The following TG variants were observed in gnomAD, a reference collection of about 807,000 sequenced individuals.
The protein encoded by TG is thyroid hormones.
In TG, 270 loss-of-function variants were observed where a neutral mutation model predicts 324.7. That is an observed-to-expected ratio of 0.83 (90% confidence interval 0.75 to 0.92). The LOEUF (loss-of-function observed/expected upper bound fraction) is 0.92, where lower values mean the gene tolerates loss of function less well. Ranked by LOEUF, TG falls within the 40% of genes least tolerant of loss-of-function variation. The pLI is 0.00. For missense variants in TG, 3,591 were observed against 3,456.4 expected (o/e 1.04, Z -0.98); for synonymous variants, 1,401 against 1,327.0 (o/e 1.06, Z -1.21).
chr8:132,948,530 T>C (rs989213174), intron 26 of TG, among the ~76,000 whole-genome samples: 1 of 152,134 alleles, frequency 6.6e-6, no homozygotes, highest in African/African-American at 2.4e-5. Flanking sequence ...AAAGCTCTCA[T>C]AGGGAGGGAA....
chr8:133,067,916 AAAGAG>A (rs1564145874), intron 41 of TG, among the ~76,000 whole-genome samples: 8 of 91,932 alleles, frequency 8.7e-5, no homozygotes, highest in South Asian at 5.8e-4. Flanking sequence ...GGAAGGAAGG[AAAGAG>A]AGAGAGAGAG....
intron 13 of TG, 131 bp downstream of exon 13, chr8:132,898,377 C>A: frequency 1.1e-6 from 1 of 902,646 alleles, no homozygotes; most frequent in Non-Finnish European, 1.8e-6. Context: ...TGCAGCCAGA[C>A]GCATTTCCCA....
rs1349559250 is a variant in TG at position 132,869,762 on chromosome 8, CT to C, written c.211del (p.Trp71GlyfsTer35). 1 of 1,614,172 alleles carries C rather than the reference CT, an allele frequency of 6.2e-7. No individual in the cohort carries two copies. The highest frequency in any genetic ancestry group is 8.5e-7 in the Non-Finnish European group (1 of 1,180,030). On this transcript the variant is annotated frameshift_variant, in exon 3 of 48. Coordinates refer to ENST00000220616, the MANE Select transcript of TG (RefSeq NM_003235.5). LOFTEE classifies it high-confidence loss of function. ...VQCQNDGRSC[W>X]CVGANGSEVL... is the part of the protein sequence containing the mutation. ...AGTGCCAGAACGACGGCCGCTCCTG[CT>C]GGTGTGTGGGTGCCAACGGCAGTGA...
intron 41 of TG, among the ~76,000 whole-genome samples, chr8:133,086,054 C>T (rs888591738): frequency 7.2e-5 from 11 of 152,202 alleles, no homozygotes; most frequent in African/African-American, 2.7e-4. Flanking sequence ...AAGATATACA[C>T]TACTAATACC....
intron 10 of TG, 132 bp downstream of exon 10, chr8:132,888,700 G>A: frequency 9.8e-7 from 1 of 1,018,688 alleles, no homozygotes. Flanking sequence ...TTTAGAGATG[G>A]CTGAGAAAAC....
At chr8:132,933,487 AGG>A in intron 23 of TG, 72 bp from the exon 24 acceptor site, 1 of 1,162,270 alleles carries the variant, frequency 8.6e-7, no homozygotes, top group Non-Finnish European at 1.3e-6. Flanking sequence ...GGGCAGGGGC[AGG>A]GGGATGTGTC....
At chr8:133,120,421 T>C (rs1260370773) in intron 45 of TG, among the ~76,000 whole-genome samples, 1 of 152,122 alleles carries the variant, frequency 6.6e-6, no homozygotes, top group Non-Finnish European at 1.5e-5. Flanking sequence ...CCACCAAAAC[T>C]GGGCAGCTTA....
chr8:132,937,668 G>C (rs1469300376), intron 25 of TG, among the ~76,000 whole-genome samples: 1 of 151,994 alleles, frequency 6.6e-6, no homozygotes, highest in Non-Finnish European at 1.5e-5. Context: ...AATCAAAATA[G>C]AACAGTAACC....
chr8:132,960,376 AG>A lies in TG; in HGVS notation c.5402-629del, dbSNP rs549373096. On this transcript the variant is annotated intron_variant, in intron 27 of 47. Transcript: ENST00000220616. ...CTATTTCCCTCACCTTCCATGTCAC[AG>A]GGAATTTGAAAGGAACTGAAGACTG... Among the ~76,000 whole-genome samples the A allele has an allele frequency of 1.0e-3, 152 of 152,224 alleles. 1 individual carries two copies. The highest frequency in any genetic ancestry group is 1.7e-3 in the Non-Finnish European group (116 of 68,016).
chr8:132,941,647 G>T, intron 26 of TG, 105 bp downstream of exon 26: 1 of 1,323,484 alleles, frequency 7.6e-7, no homozygotes, highest in Non-Finnish European at 1.1e-6. Flanking sequence ...TACAGTGTGA[G>T]TGCCTACACC....
chr8:132,921,421 G>T (rs1432547122), intron 21 of TG, among the ~76,000 whole-genome samples: 1 of 152,292 alleles, frequency 6.6e-6, no homozygotes, highest in East Asian at 1.9e-4. Context: ...GGTTCTCTAG[G>T]ATCAAGGTTG....
intron 5 of TG, among the ~76,000 whole-genome samples, chr8:132,874,891 C>T (rs1459169600): frequency 6.6e-6 from 1 of 152,170 alleles, no homozygotes; most frequent in Non-Finnish European, 1.5e-5. Flanking sequence ...AAGGACACGC[C>T]CTTCTGTGCT....
At chr8:132,967,481 C>T (rs569266334) in intron 30 of TG, among the ~76,000 whole-genome samples, 1 of 152,302 alleles carries the variant, frequency 6.6e-6, no homozygotes, top group East Asian at 1.9e-4. Context: ...CAGATCCTGA[C>T]TTCCTCTGAG....
At position 133,096,301 on chromosome 8, in the gene TG, A is replaced by G. The variant is rs778391676; in HGVS notation, c.7500A>G (p.Leu2500=). 2 of 1,614,128 alleles carry G rather than the reference A, an allele frequency of 1.2e-6. No homozygotes were observed. Among genetic ancestry groups the G allele is most frequent in the South Asian group, 2.2e-5 (2 of 91,078 alleles). Residue 2500 remains leucine (L), a synonymous_variant, in exon 43 of 48, where the codon TTA becomes TTG. Coordinates refer to ENST00000220616, the MANE Select transcript of TG (RefSeq NM_003235.5). The part of the protein sequence containing the change: ...EPPARALKRS[L]WVEVDLLIGS... ...CAGCCAGAGCACTGAAGAGGTCTTTATGGGTAGAGGTCGATCTGCTCATTG... is the reference window on the plus strand; with the variant it reads ...CAGCCAGAGCACTGAAGAGGTCTTTGTGGGTAGAGGTCGATCTGCTCATTG...
Position 132,969,483 on chromosome 8 carries a change from C to T in TG, c.5889C>T (p.Asn1963=). ...KKVILEDKVK[N]FYTRLPFQKL... is the part of the protein sequence containing the mutation. ...TTATACTGGAAGATAAAGTGAAGAA[C>T]TTTTACACTCGCCTGCCGTTCCAAA... Residue 1963 remains asparagine, a synonymous_variant, in exon 32 of 48, where the codon AAC becomes AAT. Coordinates refer to ENST00000220616, the MANE Select transcript of TG (RefSeq NM_003235.5). 6.2e-7 allele frequency: 1 copy of T among 1,613,734 alleles called. No individual in the cohort carries two copies. The highest frequency in any genetic ancestry group is 8.5e-7 in the Non-Finnish European group (1 of 1,179,714).
intron 34 of TG, among the ~76,000 whole-genome samples, chr8:132,975,745 T>C (rs1830101938): frequency 1.3e-5 from 2 of 152,146 alleles, no homozygotes; most frequent in African/African-American, 4.8e-5. Context: ...CTCAGAGAGG[T>C]TGTCACTTAC....
intron 8 of TG, among the ~76,000 whole-genome samples, chr8:132,885,139 G>C (rs1420727889): frequency 2.1e-5 from 3 of 140,058 alleles, no homozygotes; most frequent in Non-Finnish European, 3.0e-5. Context: ...TGGGGGGGGG[G>C]CGTGGTGGTT....
rs547168318 is a variant in TG, at chr8:132,982,158, G to A, written c.6200-1192G>A. 6.8e-4 allele frequency among the ~76,000 whole-genome samples: 103 copies of A among 152,342 alleles called. 1 individual carries two copies. In the South Asian group the frequency reaches 7.9e-3, roughly 12 times the overall value. On this transcript the variant is annotated intron_variant, in intron 34 of 47. Coordinates refer to ENST00000220616, the MANE Select transcript of TG (RefSeq NM_003235.5). ...TCTAAACCTCGCAACCCTATGAGAG[G>A]CACTGTTACTATGCCCATTTTATAG...
intron 35 of TG, among the ~76,000 whole-genome samples, chr8:133,001,168 C>T (rs910229444): frequency 1.3e-5 from 2 of 152,074 alleles, no homozygotes; most frequent in Non-Finnish European, 1.5e-5. Context: ...AAGAGTCTAC[C>T]CCAATAAGGT....
Sources: allele counts gnomAD v4.1 joint callset (sites outside exome capture counted in the v4.1 genomes callset), GRCh38; gene constraint gnomAD v4.1.1; transcripts MANE v1.5; gene names NCBI Gene and HGNC (gene_info 2026-07-23, HGNC 2026-07-21).